SRSF9: variants seen among roughly 807,000 people sequenced by gnomAD.
The protein encoded by SRSF9 is serine and arginine rich splicing factor 9, also known as serine/arginine-rich splicing factor 9.
Under a neutral mutation model 25.9 loss-of-function variants are expected in SRSF9, and 3 were observed. The observed-to-expected ratio is 0.12, with a 90% CI of 0.05 to 0.30. The LOEUF is 0.30. Ranked by LOEUF, SRSF9 falls within the 10% of genes least tolerant of loss-of-function variation. The probability of loss-of-function intolerance (pLI) is 1.00; values close to 1 mark genes in which losing one functional copy is unlikely to be tolerated. For missense variants in SRSF9, 161 were observed against 303.5 expected (o/e 0.53, Z 3.49); for synonymous variants, 114 against 113.2 (o/e 1.01, Z -0.05).
rs1878588264 is a variant in SRSF9, at chr12:120,469,582, C to T, written c.28G>A (p.Gly10Ser). The change falls in exon 1 of 4, where the codon GGC (glycine) becomes AGC (serine). Residue 10 changes from glycine (G) to serine (S), a missense_variant. Around this residue, in one of 3 missense-constraint regions of SRSF9, gnomAD observed 99 missense variants for 156.7 expected, o/e 0.63. Coordinates refer to ENST00000229390, the MANE Select transcript of SRSF9 (RefSeq NM_003769.3). The part of the protein sequence containing the change: MSGWADERG[G>S]EGDGRIYVGN... The stretch of plus-strand genomic sequence containing the variant: ...ACGTAGATGCGCCCGTCGCCCTCGC[C>T]GCCGCGCTCGTCCGCCCAGCCCGAC... 1 of 1,543,724 alleles carries T rather than the reference C, an allele frequency of 6.5e-7. No individual in the cohort carries two copies. The highest frequency in any genetic ancestry group is 8.7e-7 in the Non-Finnish European group (1 of 1,149,128).
rs531011638 is a variant in SRSF9 at position 120,469,346 on chromosome 12, C to G, written c.188+76G>C. 8.6e-5 allele frequency: 98 copies of G among 1,134,214 alleles called. No homozygotes were observed. The African/African-American group carries it at 1.5e-3, about 18-fold the overall frequency. The allele number at this position is 1,134,214 out of a possible 1,614,324, so 70.3% of individuals were successfully genotyped here. A position where few individuals can be genotyped will look rare whatever the true frequency, so the allele number is the denominator to read the frequency against. On this transcript the variant is annotated intron_variant, in intron 1 of 3. Coordinates refer to ENST00000229390, the MANE Select transcript of SRSF9 (RefSeq NM_003769.3). ...GAGGGGAGGCCGGGGGGAGGGGAGC[C>G]CTGGGGGAGGGGACAGCAGGGAAGG...
chr12:120,465,352 G>A (rs1420362645), intron 2 of SRSF9: 2 of 281,230 alleles, frequency 7.1e-6, no homozygotes, highest in Non-Finnish European at 6.5e-6. Context: ...CTTTAGAATT[G>A]TAGCTCAAGT....
chr12:120,462,460 A>G, intron 3 of SRSF9: 1 of 235,704 alleles, frequency 4.2e-6, no homozygotes, highest in South Asian at 6.9e-5. Flanking sequence ...TATCTGAATT[A>G]CTGCCATTGA....
intron 1 of SRSF9, among the ~76,000 whole-genome samples, chr12:120,467,236 C>T (rs1878500894): frequency 6.6e-6 from 1 of 152,190 alleles, no homozygotes; most frequent in South Asian, 2.1e-4. Context: ...AGGCCAGGCG[C>T]TGTGGCACAT....
chr12:120,469,359 A>G, intron 1 of SRSF9, 63 bp downstream of exon 1: 1 of 1,325,746 alleles, frequency 7.5e-7, no homozygotes, highest in Non-Finnish European at 1.0e-6. Flanking sequence ...GGGGGAGGGG[A>G]CAGCAGGGAA....
chr12:120,468,748 C>T (rs1410222983), intron 1 of SRSF9, among the ~76,000 whole-genome samples: 7 of 152,224 alleles, frequency 4.6e-5, no homozygotes, highest in African/African-American at 1.7e-4. Flanking sequence ...ATCACAAGCA[C>T]TCCTTAGAGC....
At chr12:120,467,069 T>C (rs1015272786) in intron 1 of SRSF9, among the ~76,000 whole-genome samples, 1 of 152,188 alleles carries the variant, frequency 6.6e-6, no homozygotes, top group African/African-American at 2.4e-5. Flanking sequence ...ATGAAGGCAT[T>C]GTTCAGTGTC....
intron 1 of SRSF9, among the ~76,000 whole-genome samples, chr12:120,469,045 G>A (rs969377238): frequency 2.0e-5 from 3 of 151,696 alleles, no homozygotes; most frequent in Non-Finnish European, 4.4e-5. Flanking sequence ...GAGCGGGAAG[G>A]GCGAACGGCG....
chr12:120,462,105 G>A lies in SRSF9; in HGVS notation c.580C>T (p.Arg194Trp). The change falls in exon 4 of 4, where the codon CGG becomes TGG. Residue 194 changes from arginine (R) to tryptophan (W), a missense_variant. Physicochemically the swap from Arg to Trp is moderately radical, Grantham distance 101 (BLOSUM62 -3). Around this residue, in one of 3 missense-constraint regions of SRSF9, gnomAD observed 41 missense variants for 126.7 expected, o/e 0.32. Transcript: ENST00000229390. ...PERSTSYGYS[R>W]SRSGSRGRDS... ...CGGCCCCTTGACCCAGACCGAGACC[G>A]TGAGTAGCCATAGCTGGTGCTTCTC... 3 of 1,612,404 alleles carry A rather than the reference G, an allele frequency of 1.9e-6. No individual in the cohort carries two copies. The highest frequency in any genetic ancestry group is 1.3e-5 in the African/African-American group (1 of 74,952).
At position 120,469,356 on chromosome 12, in the gene SRSF9, G is replaced by A. The variant is rs929234388; in HGVS notation, c.188+66C>T. On this transcript the variant is annotated intron_variant, in intron 1 of 3. Coordinates refer to ENST00000229390, the MANE Select transcript of SRSF9 (RefSeq NM_003769.3). ...CGGGGGGAGGGGAGCCCTGGGGGAG[G>A]GGACAGCAGGGAAGGCGGGGGCCTC... The A allele has an allele frequency of 6.9e-6, 9 of 1,299,848 alleles. No homozygotes were observed. In the African/African-American group the frequency reaches 9.1e-5, roughly 13 times the overall value. The allele number at this position is 1,299,848 out of a possible 1,614,324, so 80.5% of individuals were successfully genotyped here. A position where few individuals can be genotyped will look rare whatever the true frequency, so the allele number is the denominator to read the frequency against.
At position 120,469,671 on chromosome 12, in the gene SRSF9, G is replaced by T. The variant is rs1311174016; in HGVS notation, c.-62C>A. 9.1e-7 allele frequency: 1 copy of T among 1,100,526 alleles called. No individual in the cohort carries two copies. Among genetic ancestry groups the T allele is most frequent in the East Asian group, 3.8e-5 (1 of 26,504 alleles). 68.2% of individuals were successfully genotyped at this position (1,100,526 alleles called of 1,614,324 possible). A position where few individuals can be genotyped will look rare whatever the true frequency, so the allele number is the denominator to read the frequency against. On this transcript the variant is annotated 5_prime_UTR_variant, in exon 1 of 4. Coordinates refer to ENST00000229390, the MANE Select transcript of SRSF9 (RefSeq NM_003769.3). ...CGTCGCCGCCGCCGCCTCAGCACGG[G>T]TCCCCCCGCAGCGTCCCCGCGGGCT...
chr12:120,468,994 C>T (rs536391511), intron 1 of SRSF9, among the ~76,000 whole-genome samples: 1 of 152,072 alleles, frequency 6.6e-6, no homozygotes, highest in South Asian at 2.1e-4. Flanking sequence ...GACCCTGCAG[C>T]TTGCTCTCCA....
chr12:120,466,827 G>A (rs536929701), intron 1 of SRSF9, among the ~76,000 whole-genome samples: 3 of 152,314 alleles, frequency 2.0e-5, no homozygotes, highest in Admixed American at 6.5e-5. Context: ...AAGCCACTGC[G>A]CCTGGCCTTG....
At chr12:120,465,445 C>G (rs1878460886) in intron 2 of SRSF9, 182 bp downstream of exon 2, 1 of 548,414 alleles carries the variant, frequency 1.8e-6, no homozygotes, top group East Asian at 3.6e-5. Flanking sequence ...GCACTCCCAG[C>G]GCAATTTCAT....
rs554740939 is a variant in SRSF9 at position 120,468,043 on chromosome 12, G to A, written c.188+1379C>T. On this transcript the variant is annotated intron_variant, in intron 1 of 3. Coordinates refer to ENST00000229390, the MANE Select transcript of SRSF9 (RefSeq NM_003769.3). ...CAGGTGGCGGAGGTTGCGGTGGGCC[G>A]GGATCGCACCACAGCACTCCAGCCT... is the stretch of plus-strand genomic sequence containing the variant. 3.5e-3 allele frequency among the ~76,000 whole-genome samples: 303 copies of A among 85,424 alleles called. 1 individual carries two copies. Among genetic ancestry groups the A allele is most frequent in the Non-Finnish European group, 5.8e-3 (237 of 40,762 alleles). The allele number at this position is 85,424 out of a possible 152,430, so 56.0% of individuals were successfully genotyped here. A position where few individuals can be genotyped will look rare whatever the true frequency, so the allele number is the denominator to read the frequency against.
At chr12:120,463,393 C>CTT (rs371263314) in intron 3 of SRSF9, 2 of 13,468 alleles carry the variant, frequency 1.5e-4, no homozygotes, top group African/African-American at 5.8e-3. Flanking sequence ...TATAATGAGA[C>CTT]TGTCTCTAAA....
In SRSF9 at chr12:120,461,809, G is replaced by A. The variant is rs142287809; in HGVS notation, c.*210C>T. On this transcript the variant is annotated 3_prime_UTR_variant, in exon 4 of 4. Coordinates refer to ENST00000229390, the MANE Select transcript of SRSF9 (RefSeq NM_003769.3). Reference sequence around the variant, plus strand: ...ATCAGGGGTGAAAAATATACAACTTGTTTCTGAACCAAAACCACAATTTCT... The same window carrying A: ...ATCAGGGGTGAAAAATATACAACTTATTTCTGAACCAAAACCACAATTTCT... 1.4e-3 allele frequency: 640 copies of A among 465,282 alleles called. 3 individuals carry two copies. The highest frequency in any genetic ancestry group is 0.012 in the African/African-American group (598 of 49,344). The allele number at this position is 465,282 out of a possible 1,614,324, so 28.8% of individuals were successfully genotyped here.
At chr12:120,464,810 T>C (rs1373553886) in intron 2 of SRSF9, 1 of 152,138 alleles carries the variant, frequency 6.6e-6, no homozygotes, top group Non-Finnish European at 1.5e-5. Context: ...TGCAGCCATT[T>C]CCTAATAGTT....
chr12:120,466,008 G>T lies in SRSF9; in HGVS notation c.189-221C>A, dbSNP rs1878474519. ...ACAGCTGTCACACGCAGTTTTAGAG[G>T]TATGAAATTATAATGAATGAGCAAA... On this transcript the variant is annotated intron_variant, in intron 1 of 3. Coordinates refer to ENST00000229390, the MANE Select transcript of SRSF9 (RefSeq NM_003769.3). 2.0e-5 allele frequency among the ~76,000 whole-genome samples: 3 copies of T among 152,090 alleles called. No individual in the cohort carries two copies. In the South Asian group the frequency reaches 6.2e-4, roughly 32 times the overall value.
Sources: allele counts gnomAD v4.1 joint callset (sites outside exome capture counted in the v4.1 genomes callset), GRCh38; gene constraint gnomAD v4.1.1; regional missense constraint gnomAD v4.1.1; transcripts MANE v1.5; gene names NCBI Gene and HGNC (gene_info 2026-07-23, HGNC 2026-07-21).